NRG1: variants seen among roughly 807,000 people sequenced by gnomAD.
NRG1 encodes the protein neuregulin 1.
A neutral mutation model predicts 63.8 loss-of-function variants in NRG1; 18 were observed. The ratio of observed to expected loss-of-function variants is 0.28; its 90% CI spans 0.19 to 0.42. The LOEUF (loss-of-function observed/expected upper bound fraction) is 0.42. Among genes scored for constraint, NRG1 ranks in the 10% least tolerant of loss-of-function variants. The pLI is 1.00. For synonymous variants in NRG1, 302 were observed against 301.3 expected, an observed-to-expected ratio of 1.00 and a Z score of -0.02; for missense variants, 762 against 814.7, an observed-to-expected ratio of 0.94 and a Z score of 0.79.
chr8:31,802,531 T>C (rs1821892728), intron 1 of NRG1, among the ~76,000 whole-genome samples: 1 of 152,172 alleles, frequency 6.6e-6, no homozygotes, highest in Non-Finnish European at 1.5e-5. Flanking sequence ...TGATATCTAG[T>C]AGGAGTTATT....
chr8:32,452,030 G>A (rs1293839819), intron 1 of NRG1, among the ~76,000 whole-genome samples: 8 of 152,062 alleles, frequency 5.3e-5, no homozygotes, highest in Non-Finnish European at 8.8e-5. Flanking sequence ...GTTTCATCAT[G>A]TTGGCCAGGC....
At chr8:32,731,170 C>T (rs907667557) in intron 6 of NRG1, among the ~76,000 whole-genome samples, 4 of 152,128 alleles carry the variant, frequency 2.6e-5, no homozygotes, top group African/African-American at 7.2e-5. Context: ...CATGCAATCG[C>T]GTAAGTGCTG....
intron 1 of NRG1, among the ~76,000 whole-genome samples, chr8:31,941,115 T>C (rs1378730924): frequency 6.6e-6 from 1 of 152,072 alleles, no homozygotes; most frequent in African/African-American, 2.4e-5. Flanking sequence ...CTACAGTCAG[T>C]ATCCCTGATG....
At chr8:32,376,588 T>A (rs868055614) in intron 1 of NRG1, among the ~76,000 whole-genome samples, 2 of 152,200 alleles carry the variant, frequency 1.3e-5, no homozygotes, top group African/African-American at 4.8e-5. Flanking sequence ...TGGAAAAATA[T>A]AAATTGGGGC....
downstream of NRG1, among the ~76,000 whole-genome samples, chr8:32,772,075 A>G (rs1831860619): frequency 2.4e-5 from 3 of 124,012 alleles, no homozygotes; most frequent in African/African-American, 9.4e-5. Context: ...ATATATATAT[A>G]TATATATATA....
At chr8:32,270,971 A>C (rs1221594431) in intron 1 of NRG1, among the ~76,000 whole-genome samples, 4 of 152,086 alleles carry the variant, frequency 2.6e-5, no homozygotes, top group Non-Finnish European at 5.9e-5. Flanking sequence ...GCTGCCCCTA[A>C]ATTAAAGTAG....
At chr8:32,042,400 C>CACAT (rs1820205222) in intron 1 of NRG1, among the ~76,000 whole-genome samples, 1 of 151,960 alleles carries the variant, frequency 6.6e-6, no homozygotes, top group Non-Finnish European at 1.5e-5. Context: ...CTGCAGTGAG[C>CACAT]ACATCACTGC....
At chr8:32,375,664 T>C (rs1418368808) in intron 1 of NRG1, among the ~76,000 whole-genome samples, 2 of 152,214 alleles carry the variant, frequency 1.3e-5, no homozygotes, top group African/African-American at 4.8e-5. Flanking sequence ...AAAAATCTTC[T>C]AAAACTCTTC....
chr8:31,809,591 AATTTT>A (rs1488493642), intron 1 of NRG1, among the ~76,000 whole-genome samples: 1 of 150,474 alleles, frequency 6.6e-6, no homozygotes, highest in Non-Finnish European at 1.5e-5. Context: ...TCCTAAATGA[AATTTT>A]ATTTTATTTT....
intron 1 of NRG1, among the ~76,000 whole-genome samples, chr8:32,009,283 C>A (rs1204247146): frequency 6.6e-6 from 1 of 152,008 alleles, no homozygotes; most frequent in Non-Finnish European, 1.5e-5. Context: ...TCTTCTGTTT[C>A]TAGTGAATAA....
rs536259306 is a variant in NRG1 at position 32,548,876 on chromosome 8, T to A, written c.100+50T>A. 12 of 1,511,676 alleles carry A rather than the reference T, an allele frequency of 7.9e-6. No homozygotes were observed. In the South Asian group the frequency reaches 1.5e-4, roughly 19 times the overall value. The allele number at this position is 1,511,676 out of a possible 1,614,324, so 93.6% of individuals were successfully genotyped here. ...CCCACGATCCTCCTCCTGCTCCTCCTACTCCTCCTCCTCCTCGGATGCCGT... is the reference window on the plus strand; with the variant it reads ...CCCACGATCCTCCTCCTGCTCCTCCAACTCCTCCTCCTCCTCGGATGCCGT... On this transcript the variant is annotated intron_variant, in intron 1 of 11. Coordinates refer to ENST00000356819, the Ensembl canonical transcript of NRG1.
chr8:32,656,360 T>G (rs1801491234), intron 5 of NRG1, among the ~76,000 whole-genome samples: 1 of 152,136 alleles, frequency 6.6e-6, no homozygotes, highest in Non-Finnish European at 1.5e-5. Flanking sequence ...AATTGGAGCT[T>G]AAGTATATAT....
At chr8:32,522,602 T>C (rs1445462105) in intron 1 of NRG1, among the ~76,000 whole-genome samples, 5 of 152,182 alleles carry the variant, frequency 3.3e-5, no homozygotes, top group Non-Finnish European at 7.3e-5. Context: ...CTTCCTGCTA[T>C]TCATCCTGAC....
At chr8:32,276,707 TTGA>T (rs1852139460) in intron 1 of NRG1, among the ~76,000 whole-genome samples, 1 of 152,160 alleles carries the variant, frequency 6.6e-6, no homozygotes, top group Non-Finnish European at 1.5e-5. Flanking sequence ...TCTCCCTGTG[TTGA>T]TGAGGCTGCT....
chr8:32,757,365 G>A (rs184325411), intron 9 of NRG1, among the ~76,000 whole-genome samples: 40 of 152,124 alleles, frequency 2.6e-4, no homozygotes, highest in Non-Finnish European at 4.9e-4. Flanking sequence ...TTGCTCTGAT[G>A]TATGGTTTTT....
chr8:32,639,089 T>C (rs1446222526), intron 5 of NRG1, among the ~76,000 whole-genome samples: 2 of 152,204 alleles, frequency 1.3e-5, no homozygotes, highest in Non-Finnish European at 2.9e-5. Context: ...ACATTTTCTC[T>C]GGCTAAGGTC....
chr8:32,475,128 C>T (rs1176305323), intron 1 of NRG1, among the ~76,000 whole-genome samples: 3 of 152,134 alleles, frequency 2.0e-5, no homozygotes, highest in Admixed American at 2.0e-4. Flanking sequence ...TTACTGCCAT[C>T]CCTTCTAAGG....
chr8:31,965,644 G>A (rs544586372), intron 1 of NRG1, among the ~76,000 whole-genome samples: 3 of 152,118 alleles, frequency 2.0e-5, no homozygotes, highest in South Asian at 2.1e-4. Context: ...TTTTCTATAC[G>A]GGTTGAACCA....
chr8:32,272,615 T>C (rs1477152407), intron 1 of NRG1, among the ~76,000 whole-genome samples: 1 of 152,116 alleles, frequency 6.6e-6, no homozygotes, highest in African/African-American at 2.4e-5. Context: ...GTTTAGAACA[T>C]TGGATCAGGC....
Sources: allele counts gnomAD v4.1 joint callset (sites outside exome capture counted in the v4.1 genomes callset), GRCh38; gene constraint gnomAD v4.1.1; transcripts MANE v1.5; gene names NCBI Gene and HGNC (gene_info 2026-07-23, HGNC 2026-07-21).